The following NEBL variants were observed in gnomAD, a reference collection of about 807,000 sequenced individuals.
The protein encoded by NEBL is nebulette.
In NEBL, 122 loss-of-function variants were observed where a neutral mutation model predicts 140.2. The observed-to-expected ratio is 0.87, with a 90% CI of 0.75 to 1.01. The LOEUF is 1.01. Among genes scored for constraint, NEBL ranks in the 50% least tolerant of loss-of-function variants. NEBL has a pLI of 0.00. For missense variants in NEBL, 1,365 were observed against 1,231.3 expected, an observed-to-expected ratio of 1.11 and a Z score of -1.62; for synonymous variants, 436 against 398.9, an observed-to-expected ratio of 1.09 and a Z score of -1.11.
In NEBL at chr10:20,868,737, A is replaced by G. The variant is rs200875519; in HGVS notation, c.611T>C (p.Met204Thr). The G allele has an allele frequency of 5.0e-6, 8 of 1,611,662 alleles. No homozygotes were observed. The highest frequency in any genetic ancestry group is 1.7e-5 in the Admixed American group (1 of 59,974). ...TCCAATTACAGCGGGCTCTTTATTC[A>G]TTATTCCTTGTCCTTTCTTGTATTC... ...NAEYKKGQGI[M>T]NKEPAVIGRP... Residue 204 changes from methionine to threonine, a missense_variant, in exon 7 of 28, where the codon ATG becomes ACG. Met to Thr is a moderately conservative substitution (Grantham distance 81). Around this residue, in one of 2 missense-constraint regions of NEBL, gnomAD observed 1,323 missense variants for 1,154.8 expected, o/e 1.15. Transcript: ENST00000377122.
intron 2 of NEBL, among the ~76,000 whole-genome samples, chr10:21,042,641 G>C (rs1216421295): frequency 8.5e-5 from 13 of 152,150 alleles, no homozygotes; most frequent in Admixed American, 8.5e-4. Flanking sequence ...CAGCTTGATG[G>C]CTTGAAATTT....
At chr10:20,789,020 C>G (rs534177947) in intron 26 of NEBL, among the ~76,000 whole-genome samples, 1 of 152,168 alleles carries the variant, frequency 6.6e-6, no homozygotes, top group Admixed American at 6.6e-5. Flanking sequence ...TTACTGTCCA[C>G]TATGTTCAAG....
At chr10:21,000,521 A>G (rs1056496161) in intron 3 of NEBL, among the ~76,000 whole-genome samples, 2 of 152,120 alleles carry the variant, frequency 1.3e-5, no homozygotes, top group Admixed American at 6.5e-5. Context: ...AAAGAGAGAG[A>G]AGCCACCCAT....
chr10:20,846,301 A>T (rs1841933881), intron 11 of NEBL, among the ~76,000 whole-genome samples: 1 of 152,164 alleles, frequency 6.6e-6, no homozygotes, highest in Admixed American at 6.6e-5. Flanking sequence ...AAAGTAAATA[A>T]ATTCTGCATG....
At chr10:20,934,167 G>C (rs1329599106) in intron 4 of NEBL, among the ~76,000 whole-genome samples, 1 of 152,128 alleles carries the variant, frequency 6.6e-6, no homozygotes, top group Non-Finnish European at 1.5e-5. Context: ...TTCACAGACA[G>C]GTCTACGGTC....
intron 2 of NEBL, among the ~76,000 whole-genome samples, chr10:21,067,119 C>G (rs1466791131): frequency 2.0e-5 from 3 of 151,760 alleles, no homozygotes; most frequent in African/African-American, 7.3e-5. Flanking sequence ...ACTACAGGCG[C>G]CCGCCACCAC....
At chr10:21,033,813 T>C (rs974870199) in intron 2 of NEBL, among the ~76,000 whole-genome samples, 15 of 151,792 alleles carry the variant, frequency 9.9e-5, no homozygotes, top group East Asian at 1.9e-4. Flanking sequence ...TTGGCTCTTA[T>C]GATATGGCTC....
chr10:21,110,760 T>G (rs1466183236), intron 2 of NEBL: 1 of 514,622 alleles, frequency 1.9e-6, no homozygotes, highest in Non-Finnish European at 3.8e-6. Context: ...AAGTGGATAC[T>G]GATGAAAATG....
chr10:20,924,820 A>G (rs1377585160), intron 4 of NEBL, among the ~76,000 whole-genome samples: 1 of 152,024 alleles, frequency 6.6e-6, no homozygotes, highest in Admixed American at 6.6e-5. Flanking sequence ...CAGCCCAGAA[A>G]AGCTTAGTTA....
chr10:21,031,508 A>G (rs145118763), intron 2 of NEBL, among the ~76,000 whole-genome samples: 351 of 152,370 alleles, frequency 2.3e-3, no homozygotes, highest in African/African-American at 7.8e-3. Flanking sequence ...AACTTCAGGC[A>G]GAAACATGAA....
chr10:20,998,492 G>T (rs1589122430), intron 3 of NEBL, among the ~76,000 whole-genome samples: 3 of 152,158 alleles, frequency 2.0e-5, no homozygotes, highest in South Asian at 4.2e-4. Flanking sequence ...CTCCACTCTT[G>T]CCAGGGCTCT....
intron 3 of NEBL, among the ~76,000 whole-genome samples, chr10:21,013,516 A>G (rs551574860): frequency 1.5e-3 from 232 of 152,314 alleles, no homozygotes; most frequent in African/African-American, 5.3e-3. Flanking sequence ...GACCAGCAGA[A>G]CCCAACAAAA....
intron 26 of NEBL, among the ~76,000 whole-genome samples, chr10:20,798,559 T>C (rs1836799827): frequency 6.6e-6 from 1 of 152,220 alleles, no homozygotes; most frequent in African/African-American, 2.4e-5. Context: ...CATTTGCTAA[T>C]GTTCAACCAT....
At chr10:20,847,271 A>G in intron 11 of NEBL, among the ~76,000 whole-genome samples, 1 of 152,160 alleles carries the variant, frequency 6.6e-6, no homozygotes, top group East Asian at 1.9e-4. Flanking sequence ...CTACTGAAAG[A>G]TTTCACTCTC....
chr10:21,138,046 A>G (rs972859243), intron 2 of NEBL, among the ~76,000 whole-genome samples: 2 of 152,034 alleles, frequency 1.3e-5, no homozygotes, highest in South Asian at 2.1e-4. Flanking sequence ...GAGATTTCCA[A>G]TGGTCAGTGG....
In NEBL at chr10:20,907,066, G is replaced by C. The variant is rs188433091; in HGVS notation, c.357+54606C>G. The stretch of plus-strand genomic sequence containing the variant: ...GATGTAGATAGTGGTGACCATGTTG[G>C]ACAGTATAGCTCTATAGTAATGCTA... On this transcript the variant is annotated intron_variant, in intron 4 of 6. Transcript: ENST00000417816. Among the ~76,000 whole-genome samples, 245 of 152,208 alleles carry C rather than the reference G, an allele frequency of 1.6e-3. 4 individuals carry two copies. Among genetic ancestry groups the C allele is most frequent in the Non-Finnish European group, 2.2e-4 (15 of 67,990 alleles).
At chr10:20,824,566 A>G (rs1188023706) in intron 18 of NEBL, among the ~76,000 whole-genome samples, 3 of 152,336 alleles carry the variant, frequency 2.0e-5, no homozygotes, top group South Asian at 2.1e-4. Context: ...TTAGAGAATC[A>G]TATCTTGGTT....
At chr10:21,205,290 A>G (rs1329830502) in intron 3 of NEBL, among the ~76,000 whole-genome samples, 1 of 152,238 alleles carries the variant, frequency 6.6e-6, no homozygotes, top group Non-Finnish European at 1.5e-5. Flanking sequence ...GTAGTCCAGC[A>G]GTTCTATTTC....
intron 2 of NEBL, among the ~76,000 whole-genome samples, chr10:21,165,108 G>C (rs548816271): frequency 1.4e-4 from 22 of 152,306 alleles, no homozygotes; most frequent in African/African-American, 5.3e-4. Flanking sequence ...TTTGGGTCCT[G>C]AAGTGTTATT....
Sources: allele counts gnomAD v4.1 joint callset (sites outside exome capture counted in the v4.1 genomes callset), GRCh38; gene constraint gnomAD v4.1.1; regional missense constraint gnomAD v4.1.1; transcripts MANE v1.5; gene names NCBI Gene and HGNC (gene_info 2026-07-23, HGNC 2026-07-21).